Variants in MAP2K1 observed in about 807,000 individuals in gnomAD.
The protein encoded by MAP2K1 is dual specificity mitogen-activated protein kinase kinase 1.
A neutral mutation model predicts 46.3 loss-of-function variants in MAP2K1; 16 were observed. The observed-to-expected ratio is 0.35, with a 90% CI of 0.23 to 0.52. The LOEUF (loss-of-function observed/expected upper bound fraction) is 0.52, where lower values mean the gene tolerates loss of function less well. Ranked by LOEUF, MAP2K1 falls within the 20% of genes least tolerant of loss-of-function variation. The pLI is 0.94. For synonymous variants in MAP2K1, 183 were observed against 185.6 expected, an observed-to-expected ratio of 0.99 and a Z score of 0.11; for missense variants, 263 against 497.1, an observed-to-expected ratio of 0.53 and a Z score of 4.48.
Position 66,459,717 on chromosome 15 carries a change from G to A in MAP2K1, c.568+15010G>A, listed in dbSNP as rs528534304. Among the ~76,000 whole-genome samples the A allele has an allele frequency of 6.6e-5, 10 of 152,262 alleles. No individual in the cohort carries two copies. The South Asian group carries it at 1.9e-3, about 28-fold the overall frequency. On this transcript the variant is annotated intron_variant, in intron 5 of 10. Coordinates refer to ENST00000307102, the MANE Select transcript of MAP2K1 (RefSeq NM_002755.4). Reference sequence around the variant, plus strand: ...CCAGTGACAGCCTCCAGCAAATGGGGTCTTCAGCAATGGTCAGGATTACAA... The same window carrying A: ...CCAGTGACAGCCTCCAGCAAATGGGATCTTCAGCAATGGTCAGGATTACAA...
chr15:66,460,580 G>A (rs536979404), intron 5 of MAP2K1, among the ~76,000 whole-genome samples: 3 of 152,274 alleles, frequency 2.0e-5, no homozygotes, highest in African/African-American at 7.2e-5. Flanking sequence ...AAGCAGTGAG[G>A]AGGGTCTTCA....
chr15:66,421,379 G>T (rs1426669697), intron 1 of MAP2K1, among the ~76,000 whole-genome samples: 2 of 151,358 alleles, frequency 1.3e-5, no homozygotes, highest in Non-Finnish European at 2.9e-5. Context: ...CAAGCGATCC[G>T]CTTTGGCCTT....
At chr15:66,463,551 C>T (rs143145129) in intron 5 of MAP2K1, among the ~76,000 whole-genome samples, 285 of 152,278 alleles carry the variant, frequency 1.9e-3, no homozygotes, top group African/African-American at 6.5e-3. Context: ...GGTGCGATCT[C>T]GGCTCACTTC....
At chr15:66,388,904 C>CTT (rs72328500) in intron 1 of MAP2K1, among the ~76,000 whole-genome samples, 23,844 of 111,808 alleles carry the variant, frequency 0.21, 3,635 homozygotes, top group African/African-American at 0.37. Flanking sequence ...AACATTTGTT[C>CTT]TTTTTTTTTT....
chr15:66,423,756 C>CT (rs398118950), intron 1 of MAP2K1, among the ~76,000 whole-genome samples: 5 of 6,196 alleles, frequency 8.1e-4, no homozygotes, highest in Non-Finnish European at 5.2e-3. Context: ...TACAGGCATG[C>CT]ACCACCATGC....
chr15:66,387,089 G>A lies in MAP2K1; in HGVS notation c.-259G>A. 1 of 387,118 alleles carries A rather than the reference G, an allele frequency of 2.6e-6. No individual in the cohort carries two copies. The highest frequency in any genetic ancestry group is 7.2e-5 in the South Asian group (1 of 13,802). 24.0% of individuals were successfully genotyped at this position (387,118 alleles called of 1,614,324 possible). On this transcript the variant is annotated 5_prime_UTR_variant, in exon 1 of 11. Transcript: ENST00000307102. The stretch of plus-strand genomic sequence containing the variant: ...CCCGGGCTGCCGAACCGCACGTTCA[G>A]CCCGCTCCGCTCCTGCAGGGCAGCC...
intron 5 of MAP2K1, among the ~76,000 whole-genome samples, chr15:66,457,587 C>CT (rs1365805469): frequency 1.3e-5 from 2 of 152,210 alleles, no homozygotes; most frequent in African/African-American, 2.4e-5. Context: ...CTCTCTGGTC[C>CT]TTTTTTTATA....
intron 3 of MAP2K1, among the ~76,000 whole-genome samples, chr15:66,437,492 C>T (rs1001576207): frequency 6.6e-6 from 1 of 152,180 alleles, no homozygotes; most frequent in Admixed American, 6.5e-5. Context: ...AAGTATTAGT[C>T]TTTGCTTTAT....
intron 1 of MAP2K1, among the ~76,000 whole-genome samples, chr15:66,419,046 A>C (rs1391388609): frequency 1.5e-4 from 22 of 144,522 alleles, no homozygotes; most frequent in Non-Finnish European, 2.7e-4. Context: ...GGCTCACTGC[A>C]ACCTCTGCCT....
intron 5 of MAP2K1, among the ~76,000 whole-genome samples, chr15:66,447,958 C>A (rs1490568556): frequency 6.6e-6 from 1 of 151,934 alleles, no homozygotes; most frequent in African/African-American, 2.4e-5. Context: ...CGAGACCAGA[C>A]TGGCCAACAT....
intron 9 of MAP2K1, 119 bp downstream of exon 9, chr15:66,489,395 C>A: frequency 2.1e-6 from 2 of 972,946 alleles, no homozygotes; most frequent in South Asian, 1.3e-5. Flanking sequence ...ACCCTCCCGT[C>A]TGATGATTCT....
intron 1 of MAP2K1, among the ~76,000 whole-genome samples, chr15:66,403,422 T>C (rs555971146): frequency 7.2e-5 from 11 of 152,282 alleles, no homozygotes; most frequent in Non-Finnish European, 1.5e-4. Context: ...TAGTCCTTGA[T>C]CCTTAGTAGG....
At chr15:66,391,134 C>T (rs529662040) in intron 1 of MAP2K1, among the ~76,000 whole-genome samples, 19 of 148,216 alleles carry the variant, frequency 1.3e-4, no homozygotes, top group Admixed American at 5.5e-4. Flanking sequence ...TCCAGTGATT[C>T]TACCACCTCA....
chr15:66,394,603 G>T (rs2093363489), intron 1 of MAP2K1, among the ~76,000 whole-genome samples: 1 of 151,690 alleles, frequency 6.6e-6, no homozygotes, highest in Non-Finnish European at 1.5e-5. Flanking sequence ...CTACCGGCAT[G>T]TACCACCATG....
At chr15:66,407,499 A>G (rs1268952290) in intron 1 of MAP2K1, among the ~76,000 whole-genome samples, 1 of 152,190 alleles carries the variant, frequency 6.6e-6, no homozygotes, top group African/African-American at 2.4e-5. Flanking sequence ...TCTGTGCCTC[A>G]GGTTTTTTCT....
At position 66,489,010 on chromosome 15, in the gene MAP2K1, C is replaced by G. The variant is rs1893148419; in HGVS notation, c.961-205C>G. 8.1e-6 allele frequency: 5 copies of G among 620,084 alleles called. No individual in the cohort carries two copies. In the Admixed American group the frequency reaches 1.3e-4, roughly 16 times the overall value. 38.4% of individuals were successfully genotyped at this position (620,084 alleles called of 1,614,324 possible). On this transcript the variant is annotated intron_variant, in intron 8 of 10. Coordinates refer to ENST00000307102, the MANE Select transcript of MAP2K1 (RefSeq NM_002755.4). The stretch of plus-strand genomic sequence containing the variant: ...CAATTCTAAATGTGCTATTTGAGAT[C>G]AGTGGTTCCAACATGGTTACCCAAC...
At chr15:66,479,695 C>T (rs534591779) in intron 5 of MAP2K1, among the ~76,000 whole-genome samples, 3 of 152,160 alleles carry the variant, frequency 2.0e-5, no homozygotes, top group South Asian at 4.2e-4. Flanking sequence ...GCTTTTGGAG[C>T]ACCTGCCCTC....
chr15:66,454,968 G>A (rs1892128587), intron 5 of MAP2K1, among the ~76,000 whole-genome samples: 1 of 152,172 alleles, frequency 6.6e-6, no homozygotes, highest in African/African-American at 2.4e-5. Flanking sequence ...GGTAGGGTGG[G>A]AACCAAGGCT....
At position 66,440,686 on chromosome 15, in the gene MAP2K1, A is replaced by C. The variant is rs544137707; in HGVS notation, c.439-2594A>C. ...AGCTTTTGAACTGTTATTTTCATAA[A>C]GCATTTGTCTCTTCCATAGAAAACC... On this transcript the variant is annotated intron_variant, in intron 3 of 10. Transcript: ENST00000307102. Among the ~76,000 whole-genome samples, 4 of 152,360 alleles carry C rather than the reference A, an allele frequency of 2.6e-5. No homozygotes were observed. The South Asian group carries it at 8.3e-4, about 32-fold the overall frequency.
Sources: gnomAD v4.1 joint callset for allele counts (sites outside exome capture counted in the v4.1 genomes callset) on GRCh38, gnomAD v4.1.1 for gene constraint, MANE v1.5 for transcripts, NCBI Gene and HGNC (gene_info 2026-07-23, HGNC 2026-07-21) for gene names.